Variants in LIMCH1 observed in about 807,000 individuals in gnomAD.
LIMCH1 encodes the protein LIM and calponin homology domains 1.
LIMCH1 carries 113 observed loss-of-function variants against 176.5 expected under a neutral mutation model. The ratio of observed to expected loss-of-function variants is 0.64; its 90% CI spans 0.55 to 0.75. The LOEUF (loss-of-function observed/expected upper bound fraction) is 0.75. Among genes scored for constraint, LIMCH1 ranks in the 30% least tolerant of loss-of-function variants. The pLI, the probability that LIMCH1 is intolerant of heterozygous loss-of-function variation, is 0.00. For synonymous variants in LIMCH1, 619 were observed against 645.9 expected (o/e 0.96, Z 0.63); for missense variants, 1,674 against 1,814.9 (o/e 0.92, Z 1.41).
At chr4:41,522,585 G>A (rs961156592) in intron 2 of LIMCH1, among the ~76,000 whole-genome samples, 2 of 152,106 alleles carry the variant, frequency 1.3e-5, no homozygotes, top group African/African-American at 2.4e-5. Context: ...CAAAAGTAGC[G>A]AGAAAAAGAA....
At chr4:41,522,759 A>G (rs962487425) in intron 2 of LIMCH1, among the ~76,000 whole-genome samples, 8 of 152,158 alleles carry the variant, frequency 5.3e-5, no homozygotes, top group Admixed American at 2.0e-4. Context: ...AGTCACTCAG[A>G]CTTCAATTCA....
At chr4:41,583,612 C>T (rs190032534) in intron 1 of LIMCH1, among the ~76,000 whole-genome samples, 2 of 152,172 alleles carry the variant, frequency 1.3e-5, no homozygotes, top group East Asian at 1.9e-4. Flanking sequence ...ATGATTACAA[C>T]GTTGAGAATC....
At chr4:41,590,004 C>G (rs1488007650) in intron 1 of LIMCH1, among the ~76,000 whole-genome samples, 4 of 152,228 alleles carry the variant, frequency 2.6e-5, no homozygotes, top group African/African-American at 9.6e-5. Context: ...TCTATCCCCA[C>G]ATCCACTCAA....
chr4:41,530,156 G>C (rs929848780), intron 3 of LIMCH1, among the ~76,000 whole-genome samples: 3 of 152,168 alleles, frequency 2.0e-5, no homozygotes, highest in African/African-American at 7.2e-5. Context: ...AGTGATGAAA[G>C]AGCTGTAGTG....
intron 1 of LIMCH1, among the ~76,000 whole-genome samples, chr4:41,420,201 G>A (rs75369407): frequency 0.014 from 2,074 of 152,166 alleles, 51 homozygotes; most frequent in African/African-American, 0.048. Context: ...GGTGGCAGGT[G>A]GGGCAGGATG....
At chr4:41,579,500 A>G (rs534252616) in intron 1 of LIMCH1, among the ~76,000 whole-genome samples, 1 of 152,218 alleles carries the variant, frequency 6.6e-6, no homozygotes, top group Non-Finnish European at 1.5e-5. Flanking sequence ...ACTGTGTCAG[A>G]TGTCTCTTGA....
chr4:41,376,367 T>C (rs1263067380), intron 1 of LIMCH1, among the ~76,000 whole-genome samples: 1 of 152,244 alleles, frequency 6.6e-6, no homozygotes, highest in African/African-American at 2.4e-5. Context: ...ATTAGAAATT[T>C]TGAGGTTTTA....
Position 41,605,946 on chromosome 4 carries a change from A to G in LIMCH1, c.-50A>G. 2 of 1,613,868 alleles carry G rather than the reference A, an allele frequency of 1.2e-6. No homozygotes were observed. The highest frequency in any genetic ancestry group is 1.7e-6 in the Non-Finnish European group (2 of 1,179,810). ...AAAGCAGCAAACAGCTGCACATCCTACAGCGGAACGACACTAAACCTGAAG... is the reference window on the plus strand; with the variant it reads ...AAAGCAGCAAACAGCTGCACATCCTGCAGCGGAACGACACTAAACCTGAAG... On this transcript the variant is annotated 5_prime_UTR_variant, in exon 4 of 32. Transcript: ENST00000503057.
intron 2 of LIMCH1, among the ~76,000 whole-genome samples, chr4:41,521,807 T>G (rs2076146867): frequency 6.6e-6 from 1 of 152,182 alleles, no homozygotes; most frequent in South Asian, 2.1e-4. Flanking sequence ...GGCCTAGTGT[T>G]ATATGTCAGT....
Position 41,613,613 on chromosome 4 carries a change from T to C in LIMCH1, c.157T>C (p.Ser53Pro). Residue 53 changes from serine to proline, a missense_variant, in exon 5 of 32, where the codon TCT becomes CCT. By Grantham distance (74) the Ser-to-Pro change is moderately conservative. Coordinates refer to ENST00000503057, the MANE Select transcript of LIMCH1 (RefSeq NM_001330672.2). ...CAGCCTGGATTCCTTTGGCTCTCGCTCTCGGCAGACGCCTTCACCAGATGT... is the reference window on the plus strand; with the variant it reads ...CAGCCTGGATTCCTTTGGCTCTCGCCCTCGGCAGACGCCTTCACCAGATGT... The part of the protein sequence containing the change: ...FDSLDSFGSR[S>P]RQTPSPDVVL... 1.9e-6 allele frequency: 3 copies of C among 1,614,142 alleles called. No individual in the cohort carries two copies. Among genetic ancestry groups the C allele is most frequent in the Non-Finnish European group, 2.5e-6 (3 of 1,180,018 alleles).
Position 41,414,279 on chromosome 4 carries a change from G to A in LIMCH1, c.96+53343G>A, listed in dbSNP as rs116137530. On this transcript the variant is annotated intron_variant, in intron 1 of 26. Coordinates refer to the LIMCH1 transcript ENST00000313860. ...TGGTTTGACAGCACTAGACGTAGCC[G>A]AGTTCTTAGCATGAGAGAAGGGGGT... is the stretch of plus-strand genomic sequence containing the variant. Among the ~76,000 whole-genome samples, 307 of 152,238 alleles carry A rather than the reference G, an allele frequency of 2.0e-3. 1 individual carries two copies. The highest frequency in any genetic ancestry group is 6.6e-3 in the African/African-American group (274 of 41,532).
chr4:41,560,623 C>T (rs1360942432), intron 1 of LIMCH1, among the ~76,000 whole-genome samples: 7 of 152,326 alleles, frequency 4.6e-5, no homozygotes, highest in Middle Eastern at 3.4e-3. Context: ...TGATGGCTCA[C>T]GCCTATAATC....
Position 41,610,186 on chromosome 4 carries a change from G to A in LIMCH1, c.10-3280G>A, listed in dbSNP as rs150741371. ...GAGAAAGCAACTAACGCTCCAAGAG[G>A]CATGTTGACTTTCTCCTTTCTTCTC... On this transcript the variant is annotated intron_variant, in intron 4 of 31. Transcript: ENST00000503057. Among the ~76,000 whole-genome samples, 9 of 152,364 alleles carry A rather than the reference G, an allele frequency of 5.9e-5. No individual in the cohort carries two copies. The East Asian group carries it at 1.5e-3, about 26-fold the overall frequency.
chr4:41,525,182 A>T (rs905195776), intron 3 of LIMCH1, among the ~76,000 whole-genome samples: 1 of 152,244 alleles, frequency 6.6e-6, no homozygotes, highest in African/African-American at 2.4e-5. Flanking sequence ...GTAGAAGATG[A>T]GGAAGACAAT....
intron 1 of LIMCH1, among the ~76,000 whole-genome samples, chr4:41,542,686 G>A (rs533402119): frequency 6.6e-6 from 1 of 152,162 alleles, no homozygotes; most frequent in Non-Finnish European, 1.5e-5. Context: ...TTTATTCCAC[G>A]TTGATATTTC....
chr4:41,658,444 G>C (rs1472119660), intron 18 of LIMCH1, among the ~76,000 whole-genome samples: 1 of 152,230 alleles, frequency 6.6e-6, no homozygotes, highest in Admixed American at 6.5e-5. Context: ...GAAAGCAGAA[G>C]TTCTCCAGCA....
intron 1 of LIMCH1, among the ~76,000 whole-genome samples, chr4:41,383,855 G>A (rs1170452698): frequency 6.6e-6 from 1 of 152,126 alleles, no homozygotes; most frequent in Non-Finnish European, 1.5e-5. Flanking sequence ...GACATTTAAG[G>A]GATGAATAGA....
At chr4:41,549,627 A>G (rs1216611726) in intron 1 of LIMCH1, among the ~76,000 whole-genome samples, 1 of 152,200 alleles carries the variant, frequency 6.6e-6, no homozygotes, top group Non-Finnish European at 1.5e-5. Context: ...CTAGCGTATG[A>G]CAGAGCTGGG....
intron 1 of LIMCH1, among the ~76,000 whole-genome samples, chr4:41,541,127 A>G (rs544509862): frequency 2.1e-4 from 32 of 152,368 alleles, no homozygotes; most frequent in African/African-American, 7.0e-4. Flanking sequence ...TTGAACCATG[A>G]AACTGAAGGG....
Sources: allele counts gnomAD v4.1 joint callset (sites outside exome capture counted in the v4.1 genomes callset), GRCh38; gene constraint gnomAD v4.1.1; transcripts MANE v1.5; gene names NCBI Gene and HGNC (gene_info 2026-07-23, HGNC 2026-07-21).